DLGAP1: variants seen among roughly 807,000 people sequenced by gnomAD.
DLGAP1 encodes the protein DLG associated protein 1, also known as disks large-associated protein 1.
In DLGAP1, 11 loss-of-function variants were observed where a neutral mutation model predicts 90.8. The ratio of observed to expected loss-of-function variants is 0.12; its 90% CI spans 0.08 to 0.20. The LOEUF (loss-of-function observed/expected upper bound fraction) is 0.20, where lower values mean the gene tolerates loss of function less well. Among genes scored for constraint, DLGAP1 ranks in the 10% least tolerant of loss-of-function variants. The probability of loss-of-function intolerance (pLI) is 1.00; values close to 1 mark genes in which losing one functional copy is unlikely to be tolerated. For missense variants in DLGAP1, 1,050 were observed against 1,333.8 expected (o/e 0.79, Z 3.31); for synonymous variants, 558 against 540.7 (o/e 1.03, Z -0.44).
intron 6 of DLGAP1, among the ~76,000 whole-genome samples, chr18:3,738,234 A>C (rs2062743566): frequency 6.7e-6 from 1 of 148,820 alleles, no homozygotes; most frequent in Non-Finnish European, 1.5e-5. Flanking sequence ...CATCCCCATC[A>C]AGCTACCAGT....
At chr18:4,303,150 G>A (rs1033382004) in intron 1 of DLGAP1, among the ~76,000 whole-genome samples, 6 of 152,292 alleles carry the variant, frequency 3.9e-5, no homozygotes, top group Non-Finnish European at 8.8e-5. Flanking sequence ...AAATGAATGA[G>A]TGAATGCATG....
chr18:3,850,976 T>A (rs1486526258), intron 4 of DLGAP1, among the ~76,000 whole-genome samples: 1 of 152,120 alleles, frequency 6.6e-6, no homozygotes, highest in African/African-American at 2.4e-5. Context: ...CTGGAATCTA[T>A]TCCAAACAAC....
chr18:4,336,964 A>T (rs75408866), intron 1 of DLGAP1, among the ~76,000 whole-genome samples: 1 of 107,840 alleles, frequency 9.3e-6, no homozygotes, highest in Non-Finnish European at 2.0e-5. Context: ...AAAAAAAAAA[A>T]TTAGCCGGGC....
intron 7 of DLGAP1, among the ~76,000 whole-genome samples, chr18:3,665,140 T>C (rs1490630495): frequency 6.6e-6 from 1 of 152,220 alleles, no homozygotes; most frequent in Non-Finnish European, 1.5e-5. Flanking sequence ...TTCACATTTA[T>C]GTCTTTAGTT....
chr18:4,203,190 G>C (rs1250968840), intron 1 of DLGAP1, among the ~76,000 whole-genome samples: 1 of 151,406 alleles, frequency 6.6e-6, no homozygotes, highest in Non-Finnish European at 1.5e-5. Context: ...CAGGAGACTT[G>C]CTTGAACCCG....
At chr18:3,611,905 C>T (rs889141898) in intron 7 of DLGAP1, among the ~76,000 whole-genome samples, 1 of 152,216 alleles carries the variant, frequency 6.6e-6, no homozygotes, top group Non-Finnish European at 1.5e-5. Context: ...TTTAACATCC[C>T]AGATCCTCTC....
chr18:3,783,716 A>T (rs943668677), intron 5 of DLGAP1, among the ~76,000 whole-genome samples: 36 of 152,192 alleles, frequency 2.4e-4, no homozygotes, highest in Non-Finnish European at 1.2e-4. Context: ...AGCTGTGAAG[A>T]TACAAAAAAC....
intron 7 of DLGAP1, among the ~76,000 whole-genome samples, chr18:3,680,782 C>G (rs183396959): frequency 8.5e-6 from 1 of 117,990 alleles, no homozygotes; most frequent in African/African-American, 4.2e-5. Context: ...GAGCGAGACT[C>G]CGTCTCAAAA....
At chr18:3,961,644 C>T (rs1428261141) in intron 3 of DLGAP1, among the ~76,000 whole-genome samples, 4 of 152,162 alleles carry the variant, frequency 2.6e-5, no homozygotes, top group African/African-American at 9.7e-5. Context: ...CATCCTTCAT[C>T]CAAGGAGGGC....
At chr18:4,344,109 CA>C (rs1359656239) in intron 1 of DLGAP1, among the ~76,000 whole-genome samples, 3 of 152,120 alleles carry the variant, frequency 2.0e-5, no homozygotes, top group Non-Finnish European at 4.4e-5. Flanking sequence ...TAAAGACAGA[CA>C]ACATCAGCAA....
chr18:4,044,167 A>G (rs2075015409), intron 2 of DLGAP1, among the ~76,000 whole-genome samples: 1 of 152,194 alleles, frequency 6.6e-6, no homozygotes. Context: ...TTTCCTTTAC[A>G]GTGTTTACAG....
At chr18:3,701,815 T>C (rs2147128973) in intron 7 of DLGAP1, among the ~76,000 whole-genome samples, 1 of 152,276 alleles carries the variant, frequency 6.6e-6, no homozygotes, top group South Asian at 2.1e-4. Flanking sequence ...TGCTGCGATC[T>C]GGCAGATGGA....
intron 2 of DLGAP1, among the ~76,000 whole-genome samples, chr18:4,116,459 C>T (rs1173960009): frequency 6.6e-6 from 1 of 152,040 alleles, no homozygotes; most frequent in East Asian, 1.9e-4. Context: ...TTTCTCTTCT[C>T]CTTCTGGCAC....
At chr18:3,593,822 T>C (rs1343904823) in intron 7 of DLGAP1, 1 of 152,056 alleles carries the variant, frequency 6.6e-6, no homozygotes, top group Non-Finnish European at 1.5e-5. Flanking sequence ...AACGCAACAT[T>C]GTTCTCAGCA....
chr18:3,742,752 C>T (rs892748892), intron 5 of DLGAP1, among the ~76,000 whole-genome samples: 2 of 152,124 alleles, frequency 1.3e-5, no homozygotes, highest in African/African-American at 4.8e-5. Context: ...GAACTAATTG[C>T]CTCATTCACA....
intron 1 of DLGAP1, among the ~76,000 whole-genome samples, chr18:4,275,101 A>G (rs191834418): frequency 1.3e-5 from 2 of 152,340 alleles, no homozygotes; most frequent in East Asian, 3.9e-4. Context: ...TATAAACTGT[A>G]CTTACTAGTA....
At chr18:3,693,618 T>A (rs2060975778) in intron 7 of DLGAP1, among the ~76,000 whole-genome samples, 1 of 152,194 alleles carries the variant, frequency 6.6e-6, no homozygotes, top group Non-Finnish European at 1.5e-5. Flanking sequence ...CATCCAGGGG[T>A]AATTGACTCA....
chr18:3,984,760 T>C (rs1337525985), intron 3 of DLGAP1, among the ~76,000 whole-genome samples: 2 of 152,102 alleles, frequency 1.3e-5, no homozygotes, highest in Non-Finnish European at 2.9e-5. Flanking sequence ...TCCTACCTTG[T>C]TGCATGCATG....
intron 2 of DLGAP1, among the ~76,000 whole-genome samples, chr18:4,062,593 A>G (rs2075314440): frequency 6.6e-6 from 1 of 152,184 alleles, no homozygotes; most frequent in Non-Finnish European, 1.5e-5. Flanking sequence ...ATCAAAGCCA[A>G]TTTAAAAAGA....
Sources: gnomAD v4.1 joint callset for allele counts (sites outside exome capture counted in the v4.1 genomes callset) on GRCh38, gnomAD v4.1.1 for gene constraint, MANE v1.5 for transcripts, NCBI Gene and HGNC (gene_info 2026-07-23, HGNC 2026-07-21) for gene names.